The following DIRAS2 variants were observed in gnomAD, a reference collection of about 807,000 sequenced individuals.
The protein encoded by DIRAS2 is DIRAS family GTPase 2.
DIRAS2 carries 5 observed loss-of-function variants against 13.9 expected under a neutral mutation model. The observed-to-expected ratio is 0.36, with a 90% CI of 0.19 to 0.76. The LOEUF is 0.76. Ranked by LOEUF, DIRAS2 falls within the 30% of genes least tolerant of loss-of-function variation. DIRAS2 has a pLI of 0.53. For missense variants in DIRAS2, 191 were observed against 263.0 expected, an observed-to-expected ratio of 0.73 and a Z score of 1.89; for synonymous variants, 111 against 105.4, an observed-to-expected ratio of 1.05 and a Z score of -0.33.
chr9:90,634,689 T>C (rs1825355693), intron 1 of DIRAS2, among the ~76,000 whole-genome samples: 1 of 151,662 alleles, frequency 6.6e-6, no homozygotes, highest in Non-Finnish European at 1.5e-5. Context: ...AAAAATAGAG[T>C]CCCAGTTGGT....
intron 1 of DIRAS2, among the ~76,000 whole-genome samples, chr9:90,616,317 C>T (rs1825168645): frequency 6.6e-6 from 1 of 152,226 alleles, no homozygotes; most frequent in African/African-American, 2.4e-5. Context: ...CAGAAAACAA[C>T]TGTGCAGAGG....
chr9:90,619,075 G>T (rs535896894), intron 1 of DIRAS2, among the ~76,000 whole-genome samples: 2 of 152,280 alleles, frequency 1.3e-5, no homozygotes, highest in South Asian at 2.1e-4. Context: ...GGGGGCAGAG[G>T]TTGCAGTGAG....
At chr9:90,635,669 A>G (rs1056923844) in intron 1 of DIRAS2, among the ~76,000 whole-genome samples, 2 of 152,374 alleles carry the variant, frequency 1.3e-5, no homozygotes, top group South Asian at 2.1e-4. Context: ...CACTAGGGGC[A>G]AAAGTGTCCT....
chr9:90,622,305 A>G (rs543367118), intron 1 of DIRAS2, among the ~76,000 whole-genome samples: 1 of 152,274 alleles, frequency 6.6e-6, no homozygotes, highest in Admixed American at 6.5e-5. Flanking sequence ...TACCCTATCA[A>G]TAAAGAACAT....
intron 1 of DIRAS2, among the ~76,000 whole-genome samples, chr9:90,641,500 T>C (rs912511825): frequency 7.2e-5 from 11 of 152,218 alleles, no homozygotes; most frequent in Non-Finnish European, 7.3e-5. Context: ...ATGAACTATG[T>C]GTCTTCCTGT....
At chr9:90,640,831 G>A (rs1825412649) in intron 1 of DIRAS2, among the ~76,000 whole-genome samples, 1 of 152,200 alleles carries the variant, frequency 6.6e-6, no homozygotes, top group African/African-American at 2.4e-5. Context: ...GTGGAAAAAT[G>A]TATGGCATTT....
chr9:90,639,958 A>G (rs922132738), intron 1 of DIRAS2, among the ~76,000 whole-genome samples: 4 of 152,216 alleles, frequency 2.6e-5, no homozygotes, highest in Admixed American at 2.6e-4. Flanking sequence ...GCTGTGCTGG[A>G]CAATACAGTA....
chr9:90,619,399 C>T (rs1235388200), intron 1 of DIRAS2, among the ~76,000 whole-genome samples: 3 of 152,110 alleles, frequency 2.0e-5, no homozygotes, highest in African/African-American at 7.2e-5. Flanking sequence ...GCCAAGATCA[C>T]GTCATTTCAC....
rs548446973 is a variant in DIRAS2 at position 90,609,892 on chromosome 9, C to T, written c.*3336G>A. On this transcript the variant is annotated 3_prime_UTR_variant, in exon 2 of 2. Coordinates refer to ENST00000375765, the MANE Select transcript of DIRAS2 (RefSeq NM_017594.5). ...CCCATTATTTCCAGAACATCACTGGCAACTAGAAACTTGTATGCAAGGGTG... is the reference window on the plus strand; with the variant it reads ...CCCATTATTTCCAGAACATCACTGGTAACTAGAAACTTGTATGCAAGGGTG... 1 of 152,182 alleles carries T rather than the reference C, an allele frequency of 6.6e-6. No individual in the cohort carries two copies. Among genetic ancestry groups the T allele is most frequent in the Non-Finnish European group, 1.5e-5 (1 of 68,038 alleles). The allele number at this position is 152,182 out of a possible 1,614,324, so 9.4% of individuals were successfully genotyped here.
chr9:90,636,039 T>G lies in DIRAS2; in HGVS notation c.-37+6713A>C, dbSNP rs562326702. Among the ~76,000 whole-genome samples the G allele has an allele frequency of 2.0e-4, 26 of 130,386 alleles. No homozygotes were observed. The South Asian group carries it at 6.9e-3, about 34-fold the overall frequency. The allele number at this position is 130,386 out of a possible 152,430, so 85.5% of individuals were successfully genotyped here. A position where few individuals can be genotyped will look rare whatever the true frequency, so the allele number is the denominator to read the frequency against. Reference sequence around the variant, plus strand: ...ACAACTGAATATTCTTTTTTTTTTTTTTTTTTTTTTTTTTTTGAGACAGAG... The same window carrying G: ...ACAACTGAATATTCTTTTTTTTTTTGTTTTTTTTTTTTTTTTGAGACAGAG... On this transcript the variant is annotated intron_variant, in intron 1 of 1. Transcript: ENST00000375765.
chr9:90,613,346 AG>A lies in DIRAS2; in HGVS notation c.481del (p.Leu161PhefsTer14). 6.2e-7 allele frequency: 1 copy of A among 1,613,904 alleles called. No homozygotes were observed. Among genetic ancestry groups the A allele is most frequent in the Non-Finnish European group, 8.5e-7 (1 of 1,179,990 alleles). The part of the protein sequence containing the change: ...SAKLNHNVKE[L>X]FQELLNLEKR... ...CTCCAGGTTGAGCAGCTCCTGGAAA[AG>A]CTCCTTCACGTTATGGTTGAGCTTG... On this transcript the variant is annotated frameshift_variant, in exon 2 of 2. Transcript: ENST00000375765. LOFTEE classifies it high-confidence loss of function. The surrounding 1 kb of genome is among the most constrained non-coding windows in gnomAD (Gnocchi z 5.6).
In DIRAS2 at chr9:90,611,028, T is replaced by C. The variant is rs570695526; in HGVS notation, c.*2200A>G. 28 of 152,296 alleles carry C rather than the reference T, an allele frequency of 1.8e-4. No individual in the cohort carries two copies. Among genetic ancestry groups the C allele is most frequent in the African/African-American group, 6.3e-4 (26 of 41,562 alleles). 9.4% of individuals were successfully genotyped at this position (152,296 alleles called of 1,614,324 possible). A position where few individuals can be genotyped will look rare whatever the true frequency, so the allele number is the denominator to read the frequency against. ...CAGTGGCAAAGATCGCATTCTACTG[T>C]TAACAAAGAACCCAATCAAAATCTA... On this transcript the variant is annotated 3_prime_UTR_variant, in exon 2 of 2. Transcript: ENST00000375765.
intron 1 of DIRAS2, among the ~76,000 whole-genome samples, chr9:90,624,893 T>G (rs1825254180): frequency 6.6e-6 from 1 of 152,192 alleles, no homozygotes; most frequent in South Asian, 2.1e-4. Flanking sequence ...TCCCGACGTG[T>G]TGGGCTTATA....
At chr9:90,625,578 T>C (rs1825261033) in intron 1 of DIRAS2, among the ~76,000 whole-genome samples, 1 of 152,206 alleles carries the variant, frequency 6.6e-6, no homozygotes, top group Non-Finnish European at 1.5e-5. Flanking sequence ...AAGAGATAAT[T>C]CTTCCCCCAT....
chr9:90,637,673 T>G (rs984269584), intron 1 of DIRAS2, among the ~76,000 whole-genome samples: 8 of 152,218 alleles, frequency 5.3e-5, no homozygotes, highest in Non-Finnish European at 1.2e-4. Context: ...TAAAAGTGAT[T>G]GGTATTTGTA....
intron 1 of DIRAS2, among the ~76,000 whole-genome samples, chr9:90,630,928 T>A (rs2118573309): frequency 6.6e-6 from 1 of 152,316 alleles, no homozygotes; most frequent in South Asian, 2.1e-4. Flanking sequence ...GCAATGTAAA[T>A]GTGTTCTTAA....
intron 1 of DIRAS2, among the ~76,000 whole-genome samples, chr9:90,632,392 C>G (rs1283900065): frequency 1.3e-5 from 2 of 152,182 alleles, no homozygotes; most frequent in Non-Finnish European, 1.5e-5. Context: ...CCTCTTCCCC[C>G]AGGTAATCAA....
chr9:90,636,024 A>ATTTTTTT (rs1313587233), intron 1 of DIRAS2, among the ~76,000 whole-genome samples: 1 of 89,514 alleles, frequency 1.1e-5, no homozygotes, highest in Non-Finnish European at 2.2e-5. Context: ...ACAACTGAAT[A>ATTTTTTT]TTCTTTTTTT....
chr9:90,629,901 C>T (rs920508060), intron 1 of DIRAS2, among the ~76,000 whole-genome samples: 1 of 151,940 alleles, frequency 6.6e-6, no homozygotes, highest in African/African-American at 2.4e-5. Context: ...AGGGGCCAAC[C>T]CTATTAGAAG....
Sources: gnomAD v4.1 joint callset for allele counts (sites outside exome capture counted in the v4.1 genomes callset) on GRCh38, gnomAD v4.1.1 for gene constraint, Gnocchi (gnomAD v3.1) non-coding constraint, MANE v1.5 for transcripts, NCBI Gene and HGNC (gene_info 2026-07-23, HGNC 2026-07-21) for gene names.